The following THSD4 variants were observed in gnomAD, a reference collection of about 807,000 sequenced individuals.
The protein encoded by THSD4 is thrombospondin type 1 domain containing 4, also known as thrombospondin type-1 domain-containing protein 4.
THSD4 carries 69 observed loss-of-function variants against 119.0 expected under a neutral mutation model. The ratio of observed to expected loss-of-function variants is 0.58; its 90% CI spans 0.48 to 0.71. The LOEUF is 0.71. THSD4 is among the 30% of genes least tolerant of loss of function. The pLI, the probability that THSD4 is intolerant of heterozygous loss-of-function variation, is 0.00. For synonymous variants in THSD4, 524 were observed against 540.4 expected (o/e 0.97, Z 0.42); for missense variants, 1,393 against 1,391.1 (o/e 1.00, Z -0.02).
At position 71,252,755 on chromosome 15, in the gene THSD4, C is replaced by T. The variant is rs545573272; in HGVS notation, c.913-3858C>T. On this transcript the variant is annotated intron_variant, in intron 5 of 17. Transcript: ENST00000261862. ...ATTTAACTTTTTGTTGCCTTGGGTT[C>T]CTCATCTGTACAATGGGTATAATAG... Among the ~76,000 whole-genome samples, 4 of 152,284 alleles carry T rather than the reference C, an allele frequency of 2.6e-5. No individual in the cohort carries two copies. In the South Asian group the frequency reaches 8.3e-4, roughly 32 times the overall value.
intron 1 of THSD4, among the ~76,000 whole-genome samples, chr15:71,137,843 A>G (rs933757945): frequency 6.6e-5 from 10 of 152,206 alleles, no homozygotes; most frequent in Non-Finnish European, 1.3e-4. Flanking sequence ...TTACATCAGT[A>G]AAAAAATAAG....
intron 6 of THSD4, among the ~76,000 whole-genome samples, chr15:71,311,239 G>C (rs2045106770): frequency 1.3e-5 from 2 of 152,198 alleles, no homozygotes; most frequent in African/African-American, 4.8e-5. Context: ...CCTGCTGTTT[G>C]TTAACATAGA....
intron 6 of THSD4, among the ~76,000 whole-genome samples, chr15:71,357,533 A>T (rs553966892): frequency 3.9e-5 from 6 of 152,230 alleles, no homozygotes; most frequent in African/African-American, 1.4e-4. Flanking sequence ...GGTTTCGAGA[A>T]AGTATTTGAG....
chr15:71,335,845 A>G (rs917326537), intron 6 of THSD4, among the ~76,000 whole-genome samples: 1 of 152,142 alleles, frequency 6.6e-6, no homozygotes, highest in Non-Finnish European at 1.5e-5. Context: ...TAGGATGTGT[A>G]AAATAAACCC....
At chr15:71,243,963 T>A (rs1419647804) in intron 5 of THSD4, among the ~76,000 whole-genome samples, 1 of 151,948 alleles carries the variant, frequency 6.6e-6, no homozygotes, top group Non-Finnish European at 1.5e-5. Flanking sequence ...TTTTCTGTTT[T>A]TTTAGTAGAG....
chr15:71,116,100 C>G (rs554607258), intron 1 of THSD4, among the ~76,000 whole-genome samples: 1 of 152,184 alleles, frequency 6.6e-6, no homozygotes, highest in Non-Finnish European at 1.5e-5. Flanking sequence ...GTGCGCCCCC[C>G]ACCTCAGCCT....
At chr15:71,130,509 C>G (rs571958429) in intron 1 of THSD4, among the ~76,000 whole-genome samples, 6 of 151,768 alleles carry the variant, frequency 4.0e-5, no homozygotes, top group Admixed American at 3.9e-4. Flanking sequence ...TAATTTAGTG[C>G]TAAGACAAGC....
intron 6 of THSD4, among the ~76,000 whole-genome samples, chr15:71,367,092 CA>C (rs1827073251): frequency 6.6e-6 from 1 of 152,176 alleles, no homozygotes; most frequent in African/African-American, 2.4e-5. Context: ...AGCGGTCCTT[CA>C]AAATGTAGCT....
chr15:71,111,834 G>A (rs1339050930), upstream of THSD4: 19 of 535,122 alleles, frequency 3.6e-5, no homozygotes, highest in East Asian at 5.7e-4. Context: ...GTTTGTAAGA[G>A]CTGAGAGCAG....
intron 6 of THSD4, among the ~76,000 whole-genome samples, chr15:71,410,476 G>A (rs780791086): frequency 2.6e-5 from 4 of 152,166 alleles, no homozygotes; most frequent in Non-Finnish European, 4.4e-5. Context: ...TTAAGCAACG[G>A]CTAGAGAGAG....
At chr15:71,135,472 G>T (rs1397162725) in intron 1 of THSD4, among the ~76,000 whole-genome samples, 2 of 151,312 alleles carry the variant, frequency 1.3e-5, no homozygotes, top group Non-Finnish European at 2.9e-5. Flanking sequence ...TATTAAGGGA[G>T]ATGATCTCCT....
intron 7 of THSD4, among the ~76,000 whole-genome samples, chr15:71,462,294 A>G (rs1348939649): frequency 6.6e-6 from 1 of 152,110 alleles, no homozygotes; most frequent in East Asian, 1.9e-4. Context: ...CAAGTAGCTG[A>G]GATTACAAGC....
chr15:71,720,453 G>A (rs1270161854), intron 8 of THSD4, among the ~76,000 whole-genome samples: 1 of 152,162 alleles, frequency 6.6e-6, no homozygotes, highest in Non-Finnish European at 1.5e-5. Flanking sequence ...CAAAATATCA[G>A]TAACTTCTGT....
intron 8 of THSD4, among the ~76,000 whole-genome samples, chr15:71,672,642 A>G (rs1349031841): frequency 6.6e-6 from 1 of 152,140 alleles, no homozygotes; most frequent in Non-Finnish European, 1.5e-5. Context: ...AATAGCTCTT[A>G]TTATTTTGAG....
intron 8 of THSD4, among the ~76,000 whole-genome samples, chr15:71,712,605 A>G (rs2052538520): frequency 6.6e-6 from 1 of 152,232 alleles, no homozygotes; most frequent in Admixed American, 6.5e-5. Flanking sequence ...GAGAAAATTA[A>G]GAAACAAAAT....
At chr15:71,747,124 A>T in intron 13 of THSD4, 82 bp downstream of exon 13, 1 of 1,470,250 alleles carries the variant, frequency 6.8e-7, no homozygotes, top group Non-Finnish European at 9.2e-7. Context: ...AAGACCTGAG[A>T]TGGGTAACCC....
intron 7 of THSD4, among the ~76,000 whole-genome samples, chr15:71,484,626 G>A (rs1347036454): frequency 6.6e-6 from 1 of 152,130 alleles, no homozygotes; most frequent in Non-Finnish European, 1.5e-5. Flanking sequence ...AACTTGGGAA[G>A]GTTCAAAGTC....
chr15:71,734,850 C>T (rs770513798), intron 10 of THSD4, among the ~76,000 whole-genome samples: 7 of 151,740 alleles, frequency 4.6e-5, no homozygotes, highest in Non-Finnish European at 1.0e-4. Flanking sequence ...GTCCACAGCT[C>T]CCAACCCCAT....
chr15:71,337,380 G>A (rs2140382502), intron 6 of THSD4, among the ~76,000 whole-genome samples: 2 of 152,360 alleles, frequency 1.3e-5, no homozygotes, highest in Middle Eastern at 6.8e-3. Context: ...GAGGCAGTGG[G>A]AGGAAACCTG....
Sources: gnomAD v4.1 joint callset for allele counts (sites outside exome capture counted in the v4.1 genomes callset) on GRCh38, gnomAD v4.1.1 for gene constraint, MANE v1.5 for transcripts, NCBI Gene and HGNC (gene_info 2026-07-23, HGNC 2026-07-21) for gene names.